Variants in C2orf49 observed in about 807,000 individuals in gnomAD.
C2orf49 encodes the protein tRNA splicing ligase complex subunit 2.
C2orf49 carries 11 observed loss-of-function variants against 20.6 expected under a neutral mutation model. The ratio of observed to expected loss-of-function variants is 0.53; its 90% CI spans 0.34 to 0.88. The LOEUF (loss-of-function observed/expected upper bound fraction) is 0.88, where lower values mean the gene tolerates loss of function less well. C2orf49 is among the 40% of genes least tolerant of loss of function. The probability of loss-of-function intolerance (pLI) is 0.02; values close to 1 mark genes in which losing one functional copy is unlikely to be tolerated. For synonymous variants in C2orf49, 134 were observed against 108.5 expected (o/e 1.24, Z -1.46); for missense variants, 289 against 274.2 (o/e 1.05, Z -0.38).
intron 2 of C2orf49, among the ~76,000 whole-genome samples, chr2:105,340,728 G>A (rs905323386): frequency 2.6e-5 from 4 of 152,104 alleles, no homozygotes; most frequent in Non-Finnish European, 5.9e-5. Context: ...TTGTTGATTG[G>A]TTAATAAGTA....
In C2orf49 at chr2:105,342,837, T is replaced by A. The variant is rs1679705748; in HGVS notation, c.267-11T>A. 3 of 1,595,808 alleles carry A rather than the reference T, an allele frequency of 1.9e-6. No homozygotes were observed. Among genetic ancestry groups the A allele is most frequent in the East Asian group, 2.2e-5 (1 of 44,522 alleles). On this transcript the variant is annotated splice_polypyrimidine_tract_variant and intron_variant, in intron 2 of 3. Coordinates refer to ENST00000258457, the MANE Select transcript of C2orf49 (RefSeq NM_024093.3). ...ATGGTATTTTTCAAGAGTGCATCTC[T>A]TTGATTTCAGGAGTAGCACTGTAGA...
the C2orf49 span, chr2:105,376,474 C>G: frequency 3.3e-5 from 5 of 152,328 alleles, no homozygotes; most frequent in East Asian, 9.6e-4. Context: ...TTGAACAAAT[C>G]ATTAGAAGCC....
chr2:105,382,394 C>T, the C2orf49 span, among the ~76,000 whole-genome samples: 2 of 152,202 alleles, frequency 1.3e-5, no homozygotes, highest in South Asian at 2.1e-4. Context: ...CAGGTGGCAT[C>T]ACATGCTAGG....
At chr2:105,353,682 T>C (rs1359411027), downstream of C2orf49, among the ~76,000 whole-genome samples, 3 of 152,192 alleles carry the variant, frequency 2.0e-5, no homozygotes, top group Non-Finnish European at 4.4e-5. Flanking sequence ...TTCACTCTTA[T>C]CCTTAAGACT....
chr2:105,342,128 C>T (rs559551528), intron 2 of C2orf49, among the ~76,000 whole-genome samples: 9 of 152,208 alleles, frequency 5.9e-5, no homozygotes, highest in African/African-American at 1.2e-4. Context: ...GCCGAGATCG[C>T]GCCATCGCAC....
chr2:105,365,674 CAAAAAAAAA>C, the C2orf49 span, among the ~76,000 whole-genome samples: 2 of 71,662 alleles, frequency 2.8e-5, no homozygotes, highest in African/African-American at 1.1e-4. Context: ...GTCTCTACTA[CAAAAAAAAA>C]AAAAAAAAAT....
downstream of C2orf49, among the ~76,000 whole-genome samples, chr2:105,353,073 G>T (rs1679976771): frequency 6.6e-6 from 1 of 152,160 alleles, no homozygotes; most frequent in East Asian, 1.9e-4. Context: ...CATGGCAGAA[G>T]GCAGAAAGGC....
At chr2:105,353,438 A>T (rs900677584), downstream of C2orf49, among the ~76,000 whole-genome samples, 17 of 152,158 alleles carry the variant, frequency 1.1e-4, no homozygotes, top group African/African-American at 4.1e-4. Flanking sequence ...CTGAAAGGTC[A>T]CTACATACAT....
intron 2 of C2orf49, 142 bp from the exon 3 acceptor site, chr2:105,342,706 C>A (rs971488645): frequency 1.2e-5 from 9 of 735,894 alleles, no homozygotes; most frequent in Non-Finnish European, 4.2e-6. Context: ...TTAGAATGAA[C>A]ATAGAAAATT....
In C2orf49 at chr2:105,339,435, A is replaced by G; in HGVS notation, c.100-148A>G. The stretch of plus-strand genomic sequence containing the variant: ...TAGTATCTACAGAATTTAACCTTTA[A>G]CACTGTCTCTAAGTGCGCGTGTTAT... On this transcript the variant is annotated intron_variant, in intron 1 of 3. Transcript: ENST00000258457. The G allele has an allele frequency of 7.7e-6, 5 of 650,724 alleles. No homozygotes were observed. In the Middle Eastern group the frequency reaches 1.2e-3, roughly 159 times the overall value. 40.3% of individuals were successfully genotyped at this position (650,724 alleles called of 1,614,324 possible).
At chr2:105,340,857 T>C (rs1275976364) in intron 2 of C2orf49, among the ~76,000 whole-genome samples, 2 of 152,114 alleles carry the variant, frequency 1.3e-5, no homozygotes, top group Admixed American at 1.3e-4. Flanking sequence ...TCATAGGCAA[T>C]CCACTAGAAG....
chr2:105,337,710 T>TGGGGGGGG, intron 1 of C2orf49, 24 bp downstream of exon 1: 1 of 18,540 alleles, frequency 5.4e-5, no homozygotes. Context: ...GATCGGAGGG[T>TGGGGGGGG]GGGCGGGTGG....
the C2orf49 span, among the ~76,000 whole-genome samples, chr2:105,368,648 C>T: frequency 5.5e-4 from 84 of 152,274 alleles, no homozygotes; most frequent in Middle Eastern, 0.017. Context: ...TATGGGTCAC[C>T]CCTGCCACCA....
the C2orf49 span, chr2:105,363,484 G>T: frequency 1.3e-6 from 2 of 1,595,558 alleles, no homozygotes; most frequent in East Asian, 2.3e-5. Context: ...GCAGGGACGA[G>T]GGGGAGAGTT....
intron 3 of C2orf49, among the ~76,000 whole-genome samples, chr2:105,343,584 G>T (rs1376270567): frequency 1.3e-5 from 2 of 152,070 alleles, no homozygotes; most frequent in African/African-American, 4.8e-5. Flanking sequence ...TTTGTCCAGG[G>T]TCACACATTT....
At chr2:105,358,937 G>A in the C2orf49 span, 6 of 152,124 alleles carry the variant, frequency 3.9e-5, no homozygotes, top group African/African-American at 1.4e-4. Context: ...CTGGCCTCTG[G>A]TTCCTCAGGC....
the C2orf49 span, among the ~76,000 whole-genome samples, chr2:105,368,876 G>A: frequency 2.2e-3 from 336 of 152,348 alleles, 3 homozygotes; most frequent in East Asian, 4.8e-3. Flanking sequence ...GACTAGCTGA[G>A]GGGCCTGGCC....
the C2orf49 span, among the ~76,000 whole-genome samples, chr2:105,355,692 T>C: frequency 6.6e-6 from 1 of 152,276 alleles, no homozygotes; most frequent in East Asian, 1.9e-4. Context: ...TTTTAAACTT[T>C]TAAAATTTTT....
At chr2:105,361,955 A>G in the C2orf49 span, among the ~76,000 whole-genome samples, 1 of 152,240 alleles carries the variant, frequency 6.6e-6, no homozygotes, top group Non-Finnish European at 1.5e-5. Context: ...AGAAAGCTGC[A>G]GACAGATAGA....
Sources: allele counts gnomAD v4.1 joint callset (sites outside exome capture counted in the v4.1 genomes callset), GRCh38; gene constraint gnomAD v4.1.1; transcripts MANE v1.5; gene names NCBI Gene and HGNC (gene_info 2026-07-23, HGNC 2026-07-21).